NRXN1: variants seen among roughly 807,000 people sequenced by gnomAD.
NRXN1 encodes the protein neurexin 1.
In NRXN1, 39 loss-of-function variants were observed where a neutral mutation model predicts 150.9. The ratio of observed to expected loss-of-function variants is 0.26; its 90% CI spans 0.20 to 0.34. The LOEUF (loss-of-function observed/expected upper bound fraction) is 0.34, where lower values mean the gene tolerates loss of function less well. Ranked by LOEUF, NRXN1 falls within the 10% of genes least tolerant of loss-of-function variation. The pLI is 1.00. For missense variants in NRXN1, 1,815 were observed against 1,949.9 expected (o/e 0.93, Z 1.30); for synonymous variants, 924 against 757.0 (o/e 1.22, Z -3.62).
intron 19 of NRXN1, among the ~76,000 whole-genome samples, chr2:50,070,519 C>A (rs1317417623): frequency 6.6e-6 from 1 of 151,796 alleles, no homozygotes; most frequent in Admixed American, 6.6e-5. Context: ...GCCTGTAATC[C>A]CAGCACTTTG....
chr2:50,191,981 AT>A (rs1352152004), intron 18 of NRXN1, among the ~76,000 whole-genome samples: 1 of 152,172 alleles, frequency 6.6e-6, no homozygotes, highest in Non-Finnish European at 1.5e-5. Flanking sequence ...CATATGCTAT[AT>A]AAAAATGTTT....
intron 2 of NRXN1, among the ~76,000 whole-genome samples, chr2:50,967,825 A>T (rs1283967100): frequency 6.6e-6 from 1 of 151,916 alleles, no homozygotes; most frequent in African/African-American, 2.4e-5. Flanking sequence ...TAGAAGTTTG[A>T]TGAGTCTGTG....
At position 50,255,643 on chromosome 2, in the gene NRXN1, A is replaced by G. The variant is rs1487348358; in HGVS notation, c.3365-18673T>C. Among the ~76,000 whole-genome samples, 8 of 152,290 alleles carry G rather than the reference A, an allele frequency of 5.3e-5. No homozygotes were observed. In the East Asian group the frequency reaches 1.5e-3, roughly 29 times the overall value. ...GAAAAACCTATAAAACAGAAAGGATAGAACACTCAGAGGTGAAGCAGGCTT... is the reference window on the plus strand; with the variant it reads ...GAAAAACCTATAAAACAGAAAGGATGGAACACTCAGAGGTGAAGCAGGCTT... On this transcript the variant is annotated intron_variant, in intron 17 of 22. Coordinates refer to ENST00000401669, the MANE Select transcript of NRXN1 (RefSeq NM_001330078.2).
At chr2:50,385,332 C>T (rs570721305) in intron 17 of NRXN1, among the ~76,000 whole-genome samples, 2 of 152,288 alleles carry the variant, frequency 1.3e-5, no homozygotes, top group South Asian at 4.1e-4. Flanking sequence ...TTACTTCTCT[C>T]TGCAGTATTA....
At position 50,346,408 on chromosome 2, in the gene NRXN1, C is replaced by G. The variant is rs1241955534; in HGVS notation, c.3365-109438G>C. Among the ~76,000 whole-genome samples, 4 of 152,128 alleles carry G rather than the reference C, an allele frequency of 2.6e-5. No individual in the cohort carries two copies. The highest frequency in any genetic ancestry group is 9.7e-5 in the African/African-American group (4 of 41,436). On this transcript the variant is annotated intron_variant, in intron 17 of 22. Transcript: ENST00000401669. This position sits in a 1 kb window ranked among gnomAD's most constrained non-coding sequence, Gnocchi z 5.0. Reference sequence around the variant, plus strand: ...GACGCCCCCTTCCCGCGGGGCCCAGCCGCGCGACCAGGGCTGGTCCTTTAG... The same window carrying G: ...GACGCCCCCTTCCCGCGGGGCCCAGGCGCGCGACCAGGGCTGGTCCTTTAG...
intron 8 of NRXN1, among the ~76,000 whole-genome samples, chr2:50,568,451 G>T (rs757901417): frequency 1.3e-5 from 2 of 151,932 alleles, no homozygotes; most frequent in Non-Finnish European, 2.9e-5. Flanking sequence ...ATAGGAAAAA[G>T]TCTAATAATC....
chr2:50,984,181 C>T (rs938296217), intron 2 of NRXN1, among the ~76,000 whole-genome samples: 3 of 113,306 alleles, frequency 2.6e-5, no homozygotes, highest in Admixed American at 1.1e-4. Flanking sequence ...GATGGGGTTT[C>T]ACCATGTTGG....
At chr2:50,154,831 T>C (rs2058916123) in intron 18 of NRXN1, among the ~76,000 whole-genome samples, 2 of 151,652 alleles carry the variant, frequency 1.3e-5, no homozygotes, top group Admixed American at 6.6e-5. Flanking sequence ...TAAAATTTCA[T>C]TGTTTGAGAT....
At chr2:50,703,770 T>C (rs937506495) in intron 5 of NRXN1, among the ~76,000 whole-genome samples, 2 of 152,170 alleles carry the variant, frequency 1.3e-5, no homozygotes, top group Non-Finnish European at 2.9e-5. Context: ...ACATGGATTA[T>C]AGATTACCCA....
At chr2:50,011,727 A>G (rs1685703971) in intron 21 of NRXN1, among the ~76,000 whole-genome samples, 1 of 152,150 alleles carries the variant, frequency 6.6e-6, no homozygotes, top group Admixed American at 6.6e-5. Context: ...CAAAATAAAG[A>G]CAATTCCAAG....
intron 5 of NRXN1, among the ~76,000 whole-genome samples, chr2:50,709,185 G>A (rs549148880): frequency 6.6e-6 from 1 of 152,102 alleles, no homozygotes; most frequent in African/African-American, 2.4e-5. Flanking sequence ...CTTGGTATTG[G>A]TGGATGGCAC....
In NRXN1 at chr2:50,444,642, A is replaced by G. The variant is rs143639806; in HGVS notation, c.3364+20800T>C. Among the ~76,000 whole-genome samples the G allele has an allele frequency of 6.6e-5, 10 of 152,296 alleles. No individual in the cohort carries two copies. In the East Asian group the frequency reaches 1.5e-3, roughly 23 times the overall value. ...ATATTTAAGAGGACACCAAAAAGTC[A>G]GTGAGTAAGATAAATAACATTTTAA... On this transcript the variant is annotated intron_variant, in intron 17 of 22. Coordinates refer to ENST00000401669, the MANE Select transcript of NRXN1 (RefSeq NM_001330078.2).
chr2:50,672,874 T>A (rs1462895921), intron 5 of NRXN1, among the ~76,000 whole-genome samples: 1 of 152,090 alleles, frequency 6.6e-6, no homozygotes, highest in African/African-American at 2.4e-5. Flanking sequence ...CATGCTTTTG[T>A]GTGCACCACT....
chr2:50,358,982 A>T (rs1487694435), intron 17 of NRXN1, among the ~76,000 whole-genome samples: 7 of 152,242 alleles, frequency 4.6e-5, no homozygotes, highest in Admixed American at 4.6e-4. Context: ...GCAGAACTGC[A>T]GAAGACTGTT....
At chr2:50,170,221 G>T (rs975024714) in intron 18 of NRXN1, among the ~76,000 whole-genome samples, 2 of 151,788 alleles carry the variant, frequency 1.3e-5, no homozygotes, top group African/African-American at 4.8e-5. Flanking sequence ...AGTTTGAAAT[G>T]CTCCAAAATC....
intron 18 of NRXN1, among the ~76,000 whole-genome samples, chr2:50,183,151 T>C (rs2060842911): frequency 6.6e-6 from 1 of 152,096 alleles, no homozygotes; most frequent in African/African-American, 2.4e-5. Context: ...ATTTTAGATG[T>C]GAGTGAAGAG....
intron 17 of NRXN1, among the ~76,000 whole-genome samples, chr2:50,388,233 A>G (rs1294440242): frequency 6.6e-6 from 1 of 152,212 alleles, no homozygotes; most frequent in Non-Finnish European, 1.5e-5. Context: ...CTGATTATGA[A>G]TATACCATGT....
chr2:50,413,349 A>G (rs1607728), intron 17 of NRXN1, among the ~76,000 whole-genome samples: 5,382 of 152,288 alleles, frequency 0.035, 330 homozygotes, highest in African/African-American at 0.12. Flanking sequence ...AATATCACAG[A>G]TCATCGGAGA....
chr2:50,025,346 T>C (rs931492364), intron 21 of NRXN1, among the ~76,000 whole-genome samples: 3 of 152,024 alleles, frequency 2.0e-5, no homozygotes, highest in East Asian at 1.9e-4. Context: ...TATGAGTAGG[T>C]AGAGAAATGA....
Sources: allele counts gnomAD v4.1 joint callset (sites outside exome capture counted in the v4.1 genomes callset), GRCh38; gene constraint gnomAD v4.1.1; non-coding constraint Gnocchi (gnomAD v3.1); transcripts MANE v1.5; gene names NCBI Gene and HGNC (gene_info 2026-07-23, HGNC 2026-07-21).